Variants in MPP7 observed in about 807,000 individuals in gnomAD.
MPP7 encodes MAGUK p55 scaffold protein 7.
In MPP7, 60 loss-of-function variants were observed where a neutral mutation model predicts 76.5. That is an observed-to-expected ratio of 0.78 (90% CI 0.64 to 0.97). MPP7 has a LOEUF of 0.97. MPP7 is among the 50% of genes least tolerant of loss of function. The probability of loss-of-function intolerance (pLI) is 0.00; values close to 1 mark genes in which losing one functional copy is unlikely to be tolerated. For synonymous variants in MPP7, 237 were observed against 244.5 expected (o/e 0.97, Z 0.29); for missense variants, 641 against 694.0 (o/e 0.92, Z 0.86).
At chr10:28,144,791 C>T (rs1304065007) in intron 5 of MPP7, among the ~76,000 whole-genome samples, 1 of 152,128 alleles carries the variant, frequency 6.6e-6, no homozygotes, top group Non-Finnish European at 1.5e-5. Context: ...CATATCATTT[C>T]CATACGCTCC....
intron 1 of MPP7, among the ~76,000 whole-genome samples, chr10:28,277,377 T>A (rs937523512): frequency 6.6e-6 from 1 of 150,802 alleles, no homozygotes; most frequent in African/African-American, 2.4e-5. Context: ...AAAAAAAAAA[T>A]TAATTAAAAA....
chr10:28,235,182 C>A (rs1839031800), intron 2 of MPP7, among the ~76,000 whole-genome samples: 2 of 151,056 alleles, frequency 1.3e-5, no homozygotes, highest in African/African-American at 4.9e-5. Context: ...TATGGTATTA[C>A]GAATGAGATC....
chr10:28,241,112 TA>T (rs1399243099), intron 1 of MPP7, among the ~76,000 whole-genome samples: 2 of 152,142 alleles, frequency 1.3e-5, no homozygotes, highest in Non-Finnish European at 1.5e-5. Context: ...TTGTAAACCA[TA>T]CACACCATAT....
chr10:28,288,169 A>C (rs1840830722), intron 1 of MPP7, among the ~76,000 whole-genome samples: 2 of 152,164 alleles, frequency 1.3e-5, no homozygotes, highest in Non-Finnish European at 2.9e-5. Flanking sequence ...TCTTTCCCTA[A>C]ACTATCTTTG....
intron 1 of MPP7, among the ~76,000 whole-genome samples, chr10:28,247,270 A>G (rs945327510): frequency 2.6e-5 from 4 of 152,290 alleles, no homozygotes; most frequent in African/African-American, 7.2e-5. Context: ...TAAATTGTCT[A>G]GTTTTGTCAG....
At chr10:28,312,955 A>AC (rs886221128) in intron 2 of MPP7, among the ~76,000 whole-genome samples, 8 of 151,904 alleles carry the variant, frequency 5.3e-5, no homozygotes, top group African/African-American at 1.9e-4. Context: ...AGAAAACAGC[A>AC]CCCCCACAGC....
intron 11 of MPP7, among the ~76,000 whole-genome samples, chr10:28,103,875 A>T (rs561649160): frequency 6.6e-5 from 10 of 152,252 alleles, no homozygotes; most frequent in African/African-American, 1.4e-4. Flanking sequence ...GGAGGAGGAA[A>T]GGAGACTCCT....
chr10:28,192,076 A>G (rs1837429724), intron 3 of MPP7, among the ~76,000 whole-genome samples: 1 of 151,782 alleles, frequency 6.6e-6, no homozygotes, highest in African/African-American at 2.4e-5. Context: ...ACAAAGTAAG[A>G]CTCTGCCTTT....
intron 3 of MPP7, among the ~76,000 whole-genome samples, chr10:28,198,903 C>T (rs1300467880): frequency 6.6e-6 from 1 of 152,062 alleles, no homozygotes; most frequent in African/African-American, 2.4e-5. Flanking sequence ...CTATTTCCAC[C>T]CTCATAAACA....
intron 11 of MPP7, among the ~76,000 whole-genome samples, chr10:28,106,376 G>GCCT (rs1194318550): frequency 1.3e-5 from 2 of 152,124 alleles, no homozygotes. Context: ...ACAATTTCTA[G>GCCT]GTAGTCCTGC....
intron 2 of MPP7, among the ~76,000 whole-genome samples, chr10:28,213,114 T>A (rs1173413159): frequency 1.3e-5 from 2 of 151,904 alleles, no homozygotes; most frequent in African/African-American, 4.8e-5. Context: ...TAATTTTTAA[T>A]TTTTTTTGTA....
chr10:28,274,701 T>C (rs1396165045), intron 1 of MPP7, among the ~76,000 whole-genome samples: 2 of 152,146 alleles, frequency 1.3e-5, no homozygotes, highest in African/African-American at 2.4e-5. Context: ...CTGGACTACA[T>C]AGGAGGCTGC....
intron 2 of MPP7, among the ~76,000 whole-genome samples, chr10:28,319,807 C>T (rs904394676): frequency 6.6e-6 from 1 of 152,006 alleles, no homozygotes; most frequent in African/African-American, 2.4e-5. Context: ...GAAACCCCAT[C>T]TATACTAAAA....
intron 5 of MPP7, among the ~76,000 whole-genome samples, chr10:28,133,616 A>G (rs1192458652): frequency 6.6e-6 from 1 of 152,248 alleles, no homozygotes; most frequent in African/African-American, 2.4e-5. Context: ...TGACTATAAC[A>G]TATATACAAA....
intron 5 of MPP7, among the ~76,000 whole-genome samples, chr10:28,135,545 A>T (rs1214408372): frequency 2.0e-5 from 3 of 152,214 alleles, no homozygotes; most frequent in Admixed American, 6.5e-5. Context: ...AAACTCCAGA[A>T]ATAATTATCC....
intron 3 of MPP7, among the ~76,000 whole-genome samples, chr10:28,186,128 C>T (rs183557096): frequency 1.4e-4 from 21 of 152,248 alleles, no homozygotes; most frequent in African/African-American, 4.8e-4. Context: ...AGGTGGATCA[C>T]TTAGGCCAAA....
At chr10:28,105,481 T>A (rs752835768) in intron 11 of MPP7, among the ~76,000 whole-genome samples, 1 of 152,150 alleles carries the variant, frequency 6.6e-6, no homozygotes, top group Non-Finnish European at 1.5e-5. Flanking sequence ...AATCTCTCCA[T>A]TAAGGAATCA....
At chr10:28,070,364 A>T (rs1397381445) in intron 12 of MPP7, among the ~76,000 whole-genome samples, 1 of 152,268 alleles carries the variant, frequency 6.6e-6, no homozygotes. Context: ...GCGCCTCTGC[A>T]CTCCAGCCTG....
At chr10:28,268,211 C>T (rs1486355699) in intron 1 of MPP7, among the ~76,000 whole-genome samples, 3 of 152,130 alleles carry the variant, frequency 2.0e-5, no homozygotes, top group African/African-American at 4.8e-5. Flanking sequence ...GGCAGGGAAC[C>T]GCCATGTGAG....
Sources: allele counts gnomAD v4.1 joint callset (sites outside exome capture counted in the v4.1 genomes callset), GRCh38; gene constraint gnomAD v4.1.1; transcripts MANE v1.5; gene names NCBI Gene and HGNC (gene_info 2026-07-23, HGNC 2026-07-21).